WDR86: variants seen among roughly 807,000 people sequenced by gnomAD.
WDR86 encodes the protein WD repeat-containing protein 86.
WDR86 carries 30 observed loss-of-function variants against 36.5 expected under a neutral mutation model. The observed-to-expected ratio is 0.82, with a 90% CI of 0.61 to 1.11. WDR86 has a LOEUF of 1.11. Among genes scored for constraint, WDR86 ranks in the 50% most tolerant of loss-of-function variants. The pLI is 0.00. For synonymous variants in WDR86, 255 were observed against 252.9 expected (o/e 1.01, Z -0.08); for missense variants, 545 against 561.2 (o/e 0.97, Z 0.29).
chr7:151,398,653 T>C (rs1302316583), intron 2 of WDR86, among the ~76,000 whole-genome samples: 1 of 151,866 alleles, frequency 6.6e-6, no homozygotes, highest in East Asian at 1.9e-4. Flanking sequence ...GTATGTTGTG[T>C]ATGCACGTGT....
Position 151,381,762 on chromosome 7 carries a change from C to T in WDR86, c.967-16G>A. On this transcript the variant is annotated splice_polypyrimidine_tract_variant and intron_variant, in intron 5 of 5. Transcript: ENST00000334493. This position sits in a 1 kb window ranked among gnomAD's most constrained non-coding sequence, Gnocchi z 4.8. ...GGCCGTGCACCTGCGGGCGCAGGGG[C>T]GGGCGTCACCGGTGACGCGGTAGGC... 1 of 1,490,544 alleles carries T rather than the reference C, an allele frequency of 6.7e-7. No homozygotes were observed. The highest frequency in any genetic ancestry group is 8.9e-7 in the Non-Finnish European group (1 of 1,122,062). 92.3% of individuals were successfully genotyped at this position (1,490,544 alleles called of 1,614,324 possible). A position where few individuals can be genotyped will look rare whatever the true frequency, so the allele number is the denominator to read the frequency against.
chr7:151,382,023 G>GC (rs752660022), intron 4 of WDR86, 42 bp from the exon 5 acceptor site: 7 of 1,534,718 alleles, frequency 4.6e-6, no homozygotes, highest in Admixed American at 1.9e-5. Flanking sequence ...TCCCTGCTCG[G>GC]CCCCCCGCAA....
At chr7:151,382,413 C>T (rs1798668314) in intron 4 of WDR86, among the ~76,000 whole-genome samples, 1 of 152,186 alleles carries the variant, frequency 6.6e-6, no homozygotes, top group African/African-American at 2.4e-5. Context: ...GGTTCATGAT[C>T]ACGCACCCCC....
chr7:151,403,391 G>A (rs2150859003), intron 1 of WDR86, among the ~76,000 whole-genome samples: 1 of 152,276 alleles, frequency 6.6e-6, no homozygotes. Flanking sequence ...ATTACATTAA[G>A]AATTTTGATA....
chr7:151,385,234 G>A lies in WDR86; in HGVS notation c.727-11C>T, dbSNP rs199819553. The A allele has an allele frequency of 9.2e-5, 148 of 1,610,192 alleles. No homozygotes were observed. The East Asian group carries it at 3.1e-3, about 33-fold the overall frequency. ...GAGTCGGTTCACCAGCTGCGAGGAG[G>A]AGCAGGGAAGGTCGGCAGCTGGGGC... On this transcript the variant is annotated splice_polypyrimidine_tract_variant and intron_variant, in intron 3 of 5. Coordinates refer to ENST00000334493, the MANE Select transcript of WDR86 (RefSeq NM_198285.3).
intron 2 of WDR86, 42 bp from the exon 3 acceptor site, chr7:151,396,238 G>A: frequency 6.2e-7 from 1 of 1,608,848 alleles, no homozygotes; most frequent in African/African-American, 1.3e-5. Flanking sequence ...GAAGGCACGG[G>A]TTCCAGAATC....
At position 151,385,242 on chromosome 7, in the gene WDR86, A is replaced by G; in HGVS notation, c.727-19T>C. The stretch of plus-strand genomic sequence containing the variant: ...TCACCAGCTGCGAGGAGGAGCAGGG[A>G]AGGTCGGCAGCTGGGGCAGCTCTGA... On this transcript the variant is annotated intron_variant, in intron 3 of 5. Coordinates refer to ENST00000334493, the MANE Select transcript of WDR86 (RefSeq NM_198285.3). 6.2e-7 allele frequency: 1 copy of G among 1,609,060 alleles called. No homozygotes were observed. The highest frequency in any genetic ancestry group is 8.5e-7 in the Non-Finnish European group (1 of 1,179,824).
Position 151,402,070 on chromosome 7 carries a change from A to AATATATATATATAT in WDR86, c.164-1843_164-1830dup, listed in dbSNP as rs748373598. The stretch of plus-strand genomic sequence containing the variant: ...CTCAAAAAAAAAAAAAAAAAAAAAA[A>AATATATATATATAT]ATATATATATATATATATATATCTC... On this transcript the variant is annotated intron_variant, in intron 1 of 5. Coordinates refer to ENST00000334493, the MANE Select transcript of WDR86 (RefSeq NM_198285.3). Among the ~76,000 whole-genome samples the AATATATATATATAT allele has an allele frequency of 3.5e-3, 178 of 50,370 alleles. 2 individuals are homozygous for AATATATATATATAT. Among genetic ancestry groups the AATATATATATATAT allele is most frequent in the Non-Finnish European group, 4.2e-3 (125 of 29,774 alleles). The allele number at this position is 50,370 out of a possible 152,430, so 33.0% of individuals were successfully genotyped here.
chr7:151,393,715 C>T (rs1372953601), intron 3 of WDR86, among the ~76,000 whole-genome samples: 2 of 152,118 alleles, frequency 1.3e-5, no homozygotes, highest in Non-Finnish European at 2.9e-5. Context: ...AGCCTCACTC[C>T]ATACTGCCCA....
chr7:151,400,626 G>C (rs1273270103), intron 1 of WDR86, among the ~76,000 whole-genome samples: 1 of 152,188 alleles, frequency 6.6e-6, no homozygotes. Context: ...CAAGTGATCT[G>C]CCTGCCTTGG....
At position 151,381,818 on chromosome 7, in the gene WDR86, T is replaced by G. The variant is rs1798600890; in HGVS notation, c.966+60A>C. 4 of 1,532,158 alleles carry G rather than the reference T, an allele frequency of 2.6e-6. No individual in the cohort carries two copies. In the East Asian group the frequency reaches 9.8e-5, roughly 38 times the overall value. The allele number at this position is 1,532,158 out of a possible 1,614,324, so 94.9% of individuals were successfully genotyped here. A position where few individuals can be genotyped will look rare whatever the true frequency, so the allele number is the denominator to read the frequency against. On this transcript the variant is annotated intron_variant, in intron 5 of 5. Transcript: ENST00000334493. This position sits in a 1 kb window ranked among gnomAD's most constrained non-coding sequence, Gnocchi z 4.8. ...GGACACCGCTGCCCGCGTGGATGGATCGGGGCGGGGCACCTTCCCTCCCAC... is the reference window on the plus strand; with the variant it reads ...GGACACCGCTGCCCGCGTGGATGGAGCGGGGCGGGGCACCTTCCCTCCCAC...
chr7:151,376,681 A>G (rs1247539976), downstream of WDR86: 5 of 1,611,338 alleles, frequency 3.1e-6, no homozygotes, highest in South Asian at 5.5e-5. Flanking sequence ...CTGCGCTGAG[A>G]GTGTTCAGAG....
At chr7:151,374,208 C>T (rs1798097827), downstream of WDR86, 3 of 1,566,174 alleles carry the variant, frequency 1.9e-6, no homozygotes, top group East Asian at 2.4e-5. Context: ...GCAGGTACTC[C>T]ACGCAGCCAG....
intron 4 of WDR86, 30 bp from the exon 5 acceptor site, chr7:151,382,011 C>A: frequency 4.5e-6 from 7 of 1,559,756 alleles, no homozygotes; most frequent in East Asian, 2.4e-5. Flanking sequence ...GCTGGGCCTC[C>A]CTCCCTGCTC....
downstream of WDR86, chr7:151,376,671 C>G (rs757530513): frequency 1.4e-5 from 23 of 1,611,506 alleles, no homozygotes; most frequent in Non-Finnish European, 1.9e-5. Flanking sequence ...GTGGCCGAAG[C>G]TGCGCTGAGA....
chr7:151,384,081 A>AT (rs1798803783), intron 4 of WDR86, among the ~76,000 whole-genome samples: 1 of 152,164 alleles, frequency 6.6e-6, no homozygotes, highest in Non-Finnish European at 1.5e-5. Context: ...GTCAGGATCT[A>AT]TTTTCAGATA....
chr7:151,393,582 A>G (rs1771021804), intron 3 of WDR86, among the ~76,000 whole-genome samples: 1 of 152,092 alleles, frequency 6.6e-6, no homozygotes, highest in Non-Finnish European at 1.5e-5. Flanking sequence ...CACTGGTGAC[A>G]TGAGGGCGAG....
chr7:151,409,049 G>A lies in WDR86; in HGVS notation c.163+378C>T. The A allele has an allele frequency of 2.0e-6, 1 of 506,828 alleles. No individual in the cohort carries two copies. The highest frequency in any genetic ancestry group is 2.3e-5 in the Admixed American group (1 of 43,572). The allele number at this position is 506,828 out of a possible 1,614,324, so 31.4% of individuals were successfully genotyped here. A position where few individuals can be genotyped will look rare whatever the true frequency, so the allele number is the denominator to read the frequency against. On this transcript the variant is annotated intron_variant, in intron 1 of 5. Coordinates refer to ENST00000334493, the MANE Select transcript of WDR86 (RefSeq NM_198285.3). This position sits in a 1 kb window ranked among gnomAD's most constrained non-coding sequence, Gnocchi z 5.2. ...ACAATTGGCCACAAAGAGGCCACAA[G>A]GCACCTAGAGACAAGGGAAGGTTTG... is the stretch of plus-strand genomic sequence containing the variant.
chr7:151,382,016 C>T, intron 4 of WDR86, 35 bp from the exon 5 acceptor site: 1 of 1,551,770 alleles, frequency 6.4e-7, no homozygotes, highest in Non-Finnish European at 8.7e-7. Flanking sequence ...GCCTCCCTCC[C>T]TGCTCGGCCC....
Sources: gnomAD v4.1 joint callset for allele counts (sites outside exome capture counted in the v4.1 genomes callset) on GRCh38, gnomAD v4.1.1 for gene constraint, Gnocchi (gnomAD v3.1) non-coding constraint, MANE v1.5 for transcripts, NCBI Gene and HGNC (gene_info 2026-07-23, HGNC 2026-07-21) for gene names.